Variants in ZNF613 observed in about 807,000 individuals in gnomAD.
The protein encoded by ZNF613 is zinc finger protein 613.
In ZNF613, 8 loss-of-function variants were observed where a neutral mutation model predicts 14.3. That is an observed-to-expected ratio of 0.56 (90% CI 0.33 to 1.01). ZNF613 has a LOEUF of 1.01. Among genes scored for constraint, ZNF613 ranks in the 50% least tolerant of loss-of-function variants. ZNF613 has a pLI of 0.03. For synonymous variants in ZNF613, 228 were observed against 254.5 expected (o/e 0.90, Z 0.99); for missense variants, 656 against 741.9 (o/e 0.88, Z 1.35).
chr19:51,941,195 G>A (rs193242347), intron 5 of ZNF613, among the ~76,000 whole-genome samples: 4 of 152,326 alleles, frequency 2.6e-5, no homozygotes, highest in Admixed American at 6.5e-5. Context: ...GCCTCCCAAA[G>A]TGCTGGGATT....
At chr19:51,928,911 G>A (rs1401881291) in intron 1 of ZNF613, among the ~76,000 whole-genome samples, 1 of 150,016 alleles carries the variant, frequency 6.7e-6, no homozygotes, top group Non-Finnish European at 1.5e-5. Flanking sequence ...ACAAAACGAA[G>A]AAAATGATAA....
chr19:51,938,926 G>A (rs1041754972), intron 3 of ZNF613, among the ~76,000 whole-genome samples: 3 of 151,066 alleles, frequency 2.0e-5, no homozygotes, highest in African/African-American at 7.3e-5. Context: ...AATGACACAT[G>A]AATAAATAAA....
rs1214165414 is a variant in ZNF613, at chr19:51,944,772, T to C, written c.889T>C (p.Phe297Leu). 4.3e-6 allele frequency: 7 copies of C among 1,612,920 alleles called. No individual in the cohort carries two copies. Among genetic ancestry groups the C allele is most frequent in the Non-Finnish European group, 5.9e-6 (7 of 1,179,852 alleles). ...TATATGCAGTGATTGTGGAAAAGGC[T>C]TCATCAAGAAGTCTCGGCTCATTAA... ...SYICSDCGKG[F>L]IKKSRLINHQ... The change falls in exon 6 of 6, where the codon TTC (phenylalanine) becomes CTC (leucine). Residue 297 changes from phenylalanine (F) to leucine (L), a missense_variant. By Grantham distance (22) the Phe-to-Leu change is conservative (BLOSUM62 0). Coordinates refer to ENST00000293471, the MANE Select transcript of ZNF613 (RefSeq NM_001031721.4).
At position 51,945,418 on chromosome 19, in the gene ZNF613, A is replaced by C. The variant is rs1292797776; in HGVS notation, c.1535A>C (p.Tyr512Ser). 1 of 1,613,814 alleles carries C rather than the reference A, an allele frequency of 6.2e-7. No individual in the cohort carries two copies. Among genetic ancestry groups the C allele is most frequent in the Non-Finnish European group, 8.5e-7 (1 of 1,179,748 alleles). ...HRRTHTGERPYGCSDCGKAFS... is the reference protein window; with the variant it reads ...HRRTHTGERPSGCSDCGKAFS... ...AGAACTCATACAGGGGAGAGACCGT[A>C]TGGATGCTCTGATTGTGGGAAAGCT... is the stretch of plus-strand genomic sequence containing the variant. Residue 512 changes from tyrosine (Y) to serine (S), a missense_variant, in exon 6 of 6, where the codon TAT (tyrosine) becomes TCT (serine). Transcript: ENST00000293471.
chr19:51,945,648 G>A lies in ZNF613; in HGVS notation c.1765G>A (p.Ala589Thr), dbSNP rs569822009. The A allele has an allele frequency of 5.0e-6, 8 of 1,614,176 alleles. No individual in the cohort carries two copies. In the East Asian group the frequency reaches 6.7e-5, roughly 13 times the overall value. Residue 589 changes from alanine to threonine, a missense_variant, in exon 6 of 6, where the codon GCG becomes ACG. Physicochemically the swap from Ala to Thr is moderately conservative, Grantham distance 58. Transcript: ENST00000293471. ...VAAQTSLTNS[A>T]FQAESKVAIV... ...AGCTCAGACCTCATTAACTAACAGT[G>A]CGTTCCAAGCAGAGAGCAAAGTAGC...
intron 5 of ZNF613, among the ~76,000 whole-genome samples, 174 bp downstream of exon 5, chr19:51,940,883 G>A (rs8108525): frequency 4.6e-5 from 7 of 151,972 alleles, no homozygotes; most frequent in East Asian, 3.9e-4. Flanking sequence ...CATCTGCTTC[G>A]TTATCGCGTC....
chr19:51,944,016 C>A, intron 5 of ZNF613, 103 bp from the exon 6 acceptor site: 2 of 850,584 alleles, frequency 2.4e-6, no homozygotes, highest in Non-Finnish European at 3.3e-6. Flanking sequence ...GTTTTTTAAA[C>A]AGTGGAAATA....
chr19:51,944,152 A>T lies in ZNF613; in HGVS notation c.269A>T (p.His90Leu). ...IKKVDNHLQM[H>L]SQKQRCLKRV... ...AAAGTTGACAATCATCTACAGATGC[A>T]CTCACAAAAGCAAAGATGTCTGAAG... Residue 90 changes from histidine (H) to leucine (L), a missense_variant, in exon 6 of 6, where the codon CAC (histidine) becomes CTC (leucine). Physicochemically the swap from His to Leu is moderately conservative, Grantham distance 99 (BLOSUM62 -3). Coordinates refer to ENST00000293471, the MANE Select transcript of ZNF613 (RefSeq NM_001031721.4). The T allele has an allele frequency of 6.5e-7, 1 of 1,547,024 alleles. No homozygotes were observed.
chr19:51,945,387 C>A lies in ZNF613; in HGVS notation c.1504C>A (p.His502Asn), dbSNP rs1423851415. ...AFRDKSCLNR[H>N]RRTHTGERPY... ...CAGAGATAAATCATGTCTCAACAGA[C>A]ATCGGAGAACTCATACAGGGGAGAG... Residue 502 changes from histidine to asparagine, a missense_variant, in exon 6 of 6, where the codon CAT becomes AAT. Physicochemically the swap from His to Asn is moderately conservative, Grantham distance 68 (BLOSUM62 1). Transcript: ENST00000293471. 6.2e-7 allele frequency: 1 copy of A among 1,613,598 alleles called. No homozygotes were observed. Among genetic ancestry groups the A allele is most frequent in the Non-Finnish European group, 8.5e-7 (1 of 1,179,728 alleles).
In ZNF613 at chr19:51,945,973, A is replaced by G. The variant is rs2085398583; in HGVS notation, c.*236A>G. 3.8e-6 allele frequency: 2 copies of G among 524,738 alleles called. No homozygotes were observed. The highest frequency in any genetic ancestry group is 1.9e-5 in the African/African-American group (1 of 52,184). 32.5% of individuals were successfully genotyped at this position (524,738 alleles called of 1,614,324 possible). Reference sequence around the variant, plus strand: ...CATAGATCACATCTTCAGTGAGCTTATAGTTGGTAGAAATATAATGATCAT... The same window carrying G: ...CATAGATCACATCTTCAGTGAGCTTGTAGTTGGTAGAAATATAATGATCAT... On this transcript the variant is annotated 3_prime_UTR_variant, in exon 6 of 6. Transcript: ENST00000293471.
intron 4 of ZNF613, 110 bp downstream of exon 4, chr19:51,940,445 G>A: frequency 1.3e-6 from 2 of 1,578,322 alleles, no homozygotes; most frequent in South Asian, 1.1e-5. Context: ...GGTAGATTCT[G>A]TACCCTCTCT....
Position 51,944,589 on chromosome 19 carries a change from A to G in ZNF613, c.706A>G (p.Ile236Val). ...TGGGGAGAAACCTCATGGATGCAGT[A>G]TATGTGGGAAAGCCTTCTCCAGAAA... ...HTGEKPHGCSICGKAFSRKSG... is the reference protein window; with the variant it reads ...HTGEKPHGCSVCGKAFSRKSG... The change falls in exon 6 of 6, where the codon ATA becomes GTA. Residue 236 changes from isoleucine to valine, a missense_variant. Physicochemically the swap from Ile to Val is conservative, Grantham distance 29 (BLOSUM62 3). Coordinates refer to ENST00000293471, the MANE Select transcript of ZNF613 (RefSeq NM_001031721.4). 1 of 1,614,112 alleles carries G rather than the reference A, an allele frequency of 6.2e-7. No individual in the cohort carries two copies.
intron 3 of ZNF613, among the ~76,000 whole-genome samples, chr19:51,937,825 G>T (rs1472937293): frequency 6.7e-6 from 1 of 149,886 alleles, no homozygotes; most frequent in Non-Finnish European, 1.5e-5. Flanking sequence ...TGCCTCCCAG[G>T]CTGAAGTGAT....
chr19:51,945,486 C>A lies in ZNF613; in HGVS notation c.1603C>A (p.His535Asn). 6.2e-7 allele frequency: 1 copy of A among 1,614,168 alleles called. No individual in the cohort carries two copies. Among genetic ancestry groups the A allele is most frequent in the South Asian group, 1.1e-5 (1 of 91,086 alleles). Residue 535 changes from histidine (H) to asparagine (N), a missense_variant, in exon 6 of 6, where the codon CAT becomes AAT. Coordinates refer to ENST00000293471, the MANE Select transcript of ZNF613 (RefSeq NM_001031721.4). The stretch of plus-strand genomic sequence containing the variant: ...CCTTGTTTATCATAAGGGAATGCTG[C>A]ATGCAAGAGAGAAATGTGTAGGTTC... ...SCLVYHKGMLHAREKCVGSVK... is the reference protein window; with the variant it reads ...SCLVYHKGMLNAREKCVGSVK...
At chr19:51,942,914 G>A (rs1361939765) in intron 5 of ZNF613, 1 of 152,232 alleles carries the variant, frequency 6.6e-6, no homozygotes, top group Non-Finnish European at 1.5e-5. Flanking sequence ...GGCCAGGATG[G>A]TCTTGATCTC....
At chr19:51,941,691 C>T (rs1219991295) in intron 5 of ZNF613, among the ~76,000 whole-genome samples, 1 of 152,154 alleles carries the variant, frequency 6.6e-6, no homozygotes, top group Non-Finnish European at 1.5e-5. Flanking sequence ...CTCAGATTGA[C>T]ATCTCCCTTA....
chr19:51,932,878 G>T (rs982119397), intron 2 of ZNF613, among the ~76,000 whole-genome samples: 4 of 152,022 alleles, frequency 2.6e-5, no homozygotes, highest in Non-Finnish European at 4.4e-5. Context: ...GTTTCCTCAT[G>T]TTGCCCTGGC....
Position 51,930,525 on chromosome 19 carries a change from G to A in ZNF613, c.-194+629G>A, listed in dbSNP as rs150253396. Among the ~76,000 whole-genome samples the A allele has an allele frequency of 1.5e-4, 23 of 152,264 alleles. 1 individual carries two copies. The highest frequency in any genetic ancestry group is 4.8e-4 in the African/African-American group (20 of 41,560). Reference sequence around the variant, plus strand: ...GATCCGCCCACCTCAGCCTCCCAAAGTGCTGAGATTACAGGCGTGAGCCAC... The same window carrying A: ...GATCCGCCCACCTCAGCCTCCCAAAATGCTGAGATTACAGGCGTGAGCCAC... On this transcript the variant is annotated intron_variant, in intron 2 of 5. Coordinates refer to ENST00000293471, the MANE Select transcript of ZNF613 (RefSeq NM_001031721.4).
intron 3 of ZNF613, among the ~76,000 whole-genome samples, chr19:51,939,481 AC>A (rs2085330884): frequency 6.6e-6 from 1 of 151,942 alleles, no homozygotes; most frequent in Non-Finnish European, 1.5e-5. Context: ...GGCATGCACC[AC>A]CATGCCTGGC....
Sources: gnomAD v4.1 joint callset for allele counts (sites outside exome capture counted in the v4.1 genomes callset) on GRCh38, gnomAD v4.1.1 for gene constraint, MANE v1.5 for transcripts, NCBI Gene and HGNC (gene_info 2026-07-23, HGNC 2026-07-21) for gene names.